Variants in CCDC178 observed in about 807,000 individuals in gnomAD.
CCDC178 encodes the protein coiled-coil domain containing 178.
Under a neutral mutation model 117.4 loss-of-function variants are expected in CCDC178, and 126 were observed. The ratio of observed to expected loss-of-function variants is 1.07; its 90% CI spans 0.93 to 1.24. CCDC178 has a LOEUF of 1.24. CCDC178 is among the 50% of genes most tolerant of loss of function. The probability of loss-of-function intolerance (pLI) is 0.00; values close to 1 mark genes in which losing one functional copy is unlikely to be tolerated. For synonymous variants in CCDC178, 283 were observed against 313.4 expected (o/e 0.90, Z 1.02); for missense variants, 1,030 against 986.9 (o/e 1.04, Z -0.59).
intron 21 of CCDC178, among the ~76,000 whole-genome samples, chr18:33,027,305 G>C (rs916783700): frequency 6.6e-6 from 1 of 151,486 alleles, no homozygotes; most frequent in Non-Finnish European, 1.5e-5. Context: ...AGAACTTAAA[G>C]AATGAAAAAG....
At chr18:33,380,572 G>C (rs1441285983) in intron 5 of CCDC178, among the ~76,000 whole-genome samples, 2 of 152,188 alleles carry the variant, frequency 1.3e-5, no homozygotes, top group African/African-American at 4.8e-5. Flanking sequence ...GGGTTGCTCA[G>C]ATCCCTAGTG....
intron 22 of CCDC178, among the ~76,000 whole-genome samples, chr18:32,964,438 T>C (rs940307781): frequency 1.6e-4 from 24 of 151,980 alleles, no homozygotes; most frequent in African/African-American, 5.8e-4. Flanking sequence ...ATGACATCCA[T>C]GGAGTCACCA....
chr18:33,426,376 C>G (rs147607151), intron 2 of CCDC178, among the ~76,000 whole-genome samples: 4 of 152,150 alleles, frequency 2.6e-5, no homozygotes, highest in Non-Finnish European at 5.9e-5. Context: ...CAATTTGCAC[C>G]CTCAAGGAAT....
At chr18:33,335,597 A>G (rs969250166) in intron 9 of CCDC178, among the ~76,000 whole-genome samples, 15 of 152,018 alleles carry the variant, frequency 9.9e-5, no homozygotes, top group Non-Finnish European at 1.6e-4. Context: ...CAAGTTTTAC[A>G]GTTAACTATT....
chr18:33,363,351 TAAG>T (rs1020312898), intron 6 of CCDC178, among the ~76,000 whole-genome samples: 1 of 152,068 alleles, frequency 6.6e-6, no homozygotes, highest in East Asian at 1.9e-4. Context: ...TCTCAACTTA[TAAG>T]AAGCAGGAAG....
At chr18:33,343,650 T>C (rs1180999653) in intron 9 of CCDC178, among the ~76,000 whole-genome samples, 2 of 152,166 alleles carry the variant, frequency 1.3e-5, no homozygotes, top group Admixed American at 6.5e-5. Context: ...ATCAGCCTCC[T>C]GGCCCACAAA....
Position 33,049,333 on chromosome 18 carries a change from T to C in CCDC178, c.2388+43428A>G, listed in dbSNP as rs8085536. Among the ~76,000 whole-genome samples, 1,297 of 152,258 alleles carry C rather than the reference T, an allele frequency of 8.5e-3. 16 individuals carry two copies. The highest frequency in any genetic ancestry group is 0.03 in the African/African-American group (1,233 of 41,556). On this transcript the variant is annotated intron_variant, in intron 21 of 22. Coordinates refer to ENST00000383096, the MANE Select transcript of CCDC178 (RefSeq NM_001105528.4). ...CTCAAGGATAAGTTCTATTTAAAAT[T>C]TGAATTTTCTATCAAATATATACAC... is the stretch of plus-strand genomic sequence containing the variant.
intron 20 of CCDC178, among the ~76,000 whole-genome samples, chr18:33,167,343 G>T (rs1162239237): frequency 6.6e-6 from 1 of 152,114 alleles, no homozygotes; most frequent in Non-Finnish European, 1.5e-5. Context: ...TTGCCAAACT[G>T]CTTTCCACAA....
intron 20 of CCDC178, among the ~76,000 whole-genome samples, chr18:33,106,392 T>C (rs1353738976): frequency 6.6e-6 from 1 of 151,796 alleles, no homozygotes; most frequent in Non-Finnish European, 1.5e-5. Flanking sequence ...CATTAGTTTT[T>C]ACCTTGCTTT....
At chr18:33,135,447 A>G (rs2058113328) in intron 20 of CCDC178, among the ~76,000 whole-genome samples, 1 of 152,166 alleles carries the variant, frequency 6.6e-6, no homozygotes, top group South Asian at 2.1e-4. Context: ...AATTTGATCT[A>G]TCTAGCACTA....
intron 2 of CCDC178, among the ~76,000 whole-genome samples, chr18:33,420,733 G>T (rs148875076): frequency 6.6e-6 from 1 of 151,648 alleles, no homozygotes; most frequent in African/African-American, 2.4e-5. Flanking sequence ...CCAAACTCCC[G>T]TAACACACAA....
chr18:33,189,794 T>A (rs2058837142), intron 20 of CCDC178, among the ~76,000 whole-genome samples: 1 of 152,196 alleles, frequency 6.6e-6, no homozygotes, highest in Admixed American at 6.5e-5. Context: ...GGGAACTACA[T>A]TTCTCACAAA....
chr18:33,432,658 C>T (rs2064237063), intron 2 of CCDC178, among the ~76,000 whole-genome samples: 1 of 152,140 alleles, frequency 6.6e-6, no homozygotes, highest in South Asian at 2.1e-4. Context: ...TAAAGAAAGA[C>T]TGAATCTCCC....
intron 2 of CCDC178, among the ~76,000 whole-genome samples, chr18:33,425,626 G>A (rs1174980541): frequency 1.3e-5 from 2 of 152,158 alleles, no homozygotes; most frequent in Non-Finnish European, 2.9e-5. Flanking sequence ...CCAGGTGTCT[G>A]TATCTGATCC....
chr18:33,141,860 C>T (rs1170097521), intron 20 of CCDC178, among the ~76,000 whole-genome samples: 1 of 152,102 alleles, frequency 6.6e-6, no homozygotes, highest in African/African-American at 2.4e-5. Context: ...CCTATTTCCC[C>T]ACCTCCCTTC....
At chr18:33,297,314 A>G (rs946375701) in intron 11 of CCDC178, among the ~76,000 whole-genome samples, 52 of 152,198 alleles carry the variant, frequency 3.4e-4, no homozygotes, top group African/African-American at 1.2e-3. Flanking sequence ...CAATAAGTAG[A>G]AGGAAAGAAA....
intron 14 of CCDC178, among the ~76,000 whole-genome samples, chr18:33,259,844 T>C (rs184634234): frequency 2.3e-3 from 347 of 152,322 alleles, no homozygotes; most frequent in African/African-American, 8.1e-3. Context: ...AATGTCTGCA[T>C]ACAATATGAA....
intron 9 of CCDC178, among the ~76,000 whole-genome samples, chr18:33,333,787 C>A (rs1049554745): frequency 1.3e-5 from 2 of 152,108 alleles, no homozygotes; most frequent in Admixed American, 1.3e-4. Flanking sequence ...CCTGGGATTA[C>A]AGGCATGAGC....
intron 21 of CCDC178, among the ~76,000 whole-genome samples, chr18:33,017,743 C>G (rs987377535): frequency 1.3e-5 from 2 of 151,624 alleles, no homozygotes; most frequent in Non-Finnish European, 3.0e-5. Flanking sequence ...TATAGAAACA[C>G]AGAAGAATGG....
Sources: allele counts gnomAD v4.1 joint callset (sites outside exome capture counted in the v4.1 genomes callset), GRCh38; gene constraint gnomAD v4.1.1; transcripts MANE v1.5; gene names NCBI Gene and HGNC (gene_info 2026-07-23, HGNC 2026-07-21).